CNTNAP2: variants seen among roughly 807,000 people sequenced by gnomAD.
The protein encoded by CNTNAP2 is contactin-associated protein-like 2.
CNTNAP2 carries 98 observed loss-of-function variants against 155.2 expected under a neutral mutation model. That is an observed-to-expected ratio of 0.63 (90% confidence interval 0.54 to 0.75). The LOEUF is 0.75. Ranked by LOEUF, CNTNAP2 falls within the 30% of genes least tolerant of loss-of-function variation. CNTNAP2 has a pLI of 0.00. For missense variants in CNTNAP2, 1,727 were observed against 1,688.1 expected (o/e 1.02, Z -0.40); for synonymous variants, 651 against 631.2 (o/e 1.03, Z -0.47).
intron 9 of CNTNAP2, among the ~76,000 whole-genome samples, chr7:147,376,668 A>G (rs775974914): frequency 2.0e-5 from 3 of 151,804 alleles, no homozygotes; most frequent in Admixed American, 6.6e-5. Flanking sequence ...ACGTGTATTT[A>G]CTCAGTTCAT....
intron 4 of CNTNAP2, among the ~76,000 whole-genome samples, chr7:147,050,382 A>G (rs1410384820): frequency 3.3e-5 from 5 of 152,220 alleles, no homozygotes; most frequent in African/African-American, 1.2e-4. Flanking sequence ...GAGTCCTCTT[A>G]AAAGTAAGGA....
intron 9 of CNTNAP2, among the ~76,000 whole-genome samples, chr7:147,352,180 T>C (rs1003781550): frequency 1.3e-5 from 2 of 151,978 alleles, no homozygotes. Context: ...GAAATATGTA[T>C]ATAATTTATA....
chr7:146,495,552 A>ATTTT (rs57676970), intron 1 of CNTNAP2, among the ~76,000 whole-genome samples: 2 of 133,424 alleles, frequency 1.5e-5, no homozygotes, highest in East Asian at 2.3e-4. Flanking sequence ...CTAACAGGTC[A>ATTTT]TTTTTTTTTT....
chr7:146,904,585 C>A (rs954050854), intron 3 of CNTNAP2, among the ~76,000 whole-genome samples: 1 of 152,242 alleles, frequency 6.6e-6, no homozygotes, highest in East Asian at 1.9e-4. Flanking sequence ...CATTCTCCTG[C>A]CTCAGCCTCC....
At chr7:147,947,631 T>TA (rs1355498598) in intron 14 of CNTNAP2, among the ~76,000 whole-genome samples, 2 of 151,620 alleles carry the variant, frequency 1.3e-5, no homozygotes, top group Non-Finnish European at 2.9e-5. Flanking sequence ...ACCCTGTCTC[T>TA]AAAAAAACAA....
rs1798373644 is a variant in CNTNAP2 at position 146,999,109 on chromosome 7, A to G, written c.403-44798A>G. On this transcript the variant is annotated intron_variant, in intron 3 of 23. Transcript: ENST00000361727. ...TTGTGATTAAGTAATTTTCATGAAA[A>G]TTGTTTTATTCTTTGCTTTTTCTGT... 4.6e-5 allele frequency among the ~76,000 whole-genome samples: 7 copies of G among 151,342 alleles called. 1 individual carries two copies. In the South Asian group the frequency reaches 1.5e-3, roughly 32 times the overall value.
At chr7:147,718,947 G>T (rs1796522265) in intron 13 of CNTNAP2, among the ~76,000 whole-genome samples, 1 of 151,988 alleles carries the variant, frequency 6.6e-6, no homozygotes, top group Non-Finnish European at 1.5e-5. Context: ...TTTAATAACT[G>T]TCCTTTAAGG....
At chr7:146,549,637 A>G (rs935359900) in intron 1 of CNTNAP2, among the ~76,000 whole-genome samples, 2 of 152,074 alleles carry the variant, frequency 1.3e-5, no homozygotes, top group African/African-American at 4.8e-5. Context: ...TGAGTTTCAC[A>G]GAAGGAGGCT....
intron 21 of CNTNAP2, among the ~76,000 whole-genome samples, chr7:148,283,514 CAT>C (rs1332626643): frequency 6.6e-6 from 1 of 152,166 alleles, no homozygotes; most frequent in Non-Finnish European, 1.5e-5. Flanking sequence ...TATTTGCAGA[CAT>C]GTGCTGTGCA....
intron 21 of CNTNAP2, among the ~76,000 whole-genome samples, chr7:148,367,884 G>C (rs1390605030): frequency 6.6e-6 from 1 of 152,080 alleles, no homozygotes; most frequent in East Asian, 1.9e-4. Context: ...GTAGATGGAA[G>C]TCCCCTCAAC....
At chr7:146,123,820 T>C (rs747038724) in intron 1 of CNTNAP2, among the ~76,000 whole-genome samples, 1 of 152,182 alleles carries the variant, frequency 6.6e-6, no homozygotes. Context: ...GGTGCTTCTA[T>C]TTTTAATAGA....
chr7:146,579,864 T>C (rs1467694175), intron 1 of CNTNAP2, among the ~76,000 whole-genome samples: 1 of 152,134 alleles, frequency 6.6e-6, no homozygotes, highest in Non-Finnish European at 1.5e-5. Context: ...GTGTACATAA[T>C]ATTGCAGAGA....
chr7:147,736,367 T>G (rs1337870942), intron 13 of CNTNAP2, among the ~76,000 whole-genome samples: 4 of 152,244 alleles, frequency 2.6e-5, no homozygotes, highest in Non-Finnish European at 5.9e-5. Flanking sequence ...TCTTCTGGCT[T>G]GTAGAGTTTC....
intron 21 of CNTNAP2, among the ~76,000 whole-genome samples, chr7:148,336,775 T>A (rs1343978602): frequency 1.3e-5 from 2 of 152,234 alleles, no homozygotes; most frequent in African/African-American, 4.8e-5. Flanking sequence ...CATGAAGAGA[T>A]CAATCTTTCA....
chr7:146,698,378 A>C (rs1370565239), intron 1 of CNTNAP2, among the ~76,000 whole-genome samples: 1 of 152,062 alleles, frequency 6.6e-6, no homozygotes, highest in African/African-American at 2.4e-5. Flanking sequence ...CATTTTTCTG[A>C]GAAAGTCATT....
intron 1 of CNTNAP2, among the ~76,000 whole-genome samples, chr7:146,657,630 T>C (rs1399516355): frequency 2.0e-5 from 3 of 152,158 alleles, no homozygotes; most frequent in African/African-American, 7.2e-5. Context: ...TGAATACTGG[T>C]TTTGTTCTCT....
chr7:146,601,623 T>C (rs1010887822), intron 1 of CNTNAP2, among the ~76,000 whole-genome samples: 1 of 152,090 alleles, frequency 6.6e-6, no homozygotes, highest in African/African-American at 2.4e-5. Context: ...TTAGAGTTTA[T>C]ATGATAAAAG....
At chr7:147,618,833 G>GC (rs1322612142) in intron 12 of CNTNAP2, among the ~76,000 whole-genome samples, 2 of 151,974 alleles carry the variant, frequency 1.3e-5, no homozygotes, top group Non-Finnish European at 2.9e-5. Flanking sequence ...CAGAGCTCCA[G>GC]CCATGCAAGG....
chr7:147,395,518 G>C (rs2116453611), intron 9 of CNTNAP2, 91 bp from the exon 10 acceptor site: 1 of 1,252,440 alleles, frequency 8.0e-7, no homozygotes, highest in East Asian at 2.3e-5. Flanking sequence ...AGTTGGATGT[G>C]ATGGCTGTGG....
Sources: allele counts gnomAD v4.1 joint callset (sites outside exome capture counted in the v4.1 genomes callset), GRCh38; gene constraint gnomAD v4.1.1; transcripts MANE v1.5; gene names NCBI Gene and HGNC (gene_info 2026-07-23, HGNC 2026-07-21).